CACNA2D3: variants seen among roughly 807,000 people sequenced by gnomAD.
The protein encoded by CACNA2D3 is calcium voltage-gated channel auxiliary subunit alpha2delta 3.
A neutral mutation model predicts 160.6 loss-of-function variants in CACNA2D3; 60 were observed. The observed-to-expected ratio is 0.37, with a 90% CI of 0.30 to 0.46. The LOEUF is 0.46. Ranked by LOEUF, CACNA2D3 falls within the 20% of genes least tolerant of loss-of-function variation. The pLI is 1.00. For missense variants in CACNA2D3, 1,205 were observed against 1,365.0 expected (o/e 0.88, Z 1.85); for synonymous variants, 558 against 492.9 (o/e 1.13, Z -1.75).
At chr3:54,768,532 G>A (rs779405310) in intron 13 of CACNA2D3, among the ~76,000 whole-genome samples, 7 of 152,188 alleles carry the variant, frequency 4.6e-5, no homozygotes, top group Non-Finnish European at 1.0e-4. Context: ...TTGCGCTGAA[G>A]TACTTTTGTG....
intron 11 of CACNA2D3, among the ~76,000 whole-genome samples, chr3:54,704,143 A>C (rs1700815958): frequency 6.6e-6 from 1 of 152,084 alleles, no homozygotes. Context: ...CTTTGAAATG[A>C]CTCCAGCTGT....
chr3:54,968,447 C>A lies in CACNA2D3; in HGVS notation c.2450-3C>A. The stretch of plus-strand genomic sequence containing the variant: ...GCCTTGTTTTATTTATAATTTGTCC[C>A]AGCTGTAGGCATTCAGATGAAACTT... On this transcript the variant is annotated splice_polypyrimidine_tract_variant and splice_region_variant and intron_variant, in intron 27 of 37. Coordinates refer to ENST00000474759, the MANE Select transcript of CACNA2D3 (RefSeq NM_018398.3). 6.2e-7 allele frequency: 1 copy of A among 1,600,692 alleles called. No individual in the cohort carries two copies. Among genetic ancestry groups the A allele is most frequent in the Non-Finnish European group, 8.5e-7 (1 of 1,170,718 alleles).
chr3:54,979,621 A>G (rs1208540182), intron 29 of CACNA2D3, among the ~76,000 whole-genome samples: 1 of 152,192 alleles, frequency 6.6e-6, no homozygotes, highest in East Asian at 1.9e-4. Context: ...TAAAAGAAAA[A>G]TATTACTTCA....
At chr3:54,402,161 T>G (rs1699479554) in intron 4 of CACNA2D3, among the ~76,000 whole-genome samples, 1 of 151,796 alleles carries the variant, frequency 6.6e-6, no homozygotes, top group Non-Finnish European at 1.5e-5. Flanking sequence ...GAATAAAAAC[T>G]TAGCACTACA....
intron 11 of CACNA2D3, among the ~76,000 whole-genome samples, chr3:54,691,600 GA>G (rs1447542894): frequency 6.6e-6 from 1 of 152,142 alleles, no homozygotes; most frequent in Non-Finnish European, 1.5e-5. Flanking sequence ...AGCTTAGAAA[GA>G]AAAGTAATTA....
rs76978012 is a variant in CACNA2D3, at chr3:55,065,021, G to A, written c.2988-8424G>A. On this transcript the variant is annotated intron_variant, in intron 35 of 37. Transcript: ENST00000474759. ...TTTAGAACAAGGTTAAATAACAGAG[G>A]AGAGTGAGCCTCCTTGCCTTCTTCT... Among the ~76,000 whole-genome samples the A allele has an allele frequency of 5.5e-4, 84 of 152,290 alleles. 1 individual carries two copies. The East Asian group carries it at 0.016, about 28-fold the overall frequency.
At chr3:54,928,038 G>A in intron 27 of CACNA2D3, 1 of 849,276 alleles carries the variant, frequency 1.2e-6, no homozygotes. Context: ...CCCTGCCCTT[G>A]CTTTTCTTCA....
chr3:55,037,343 A>T (rs1298930162), intron 35 of CACNA2D3, among the ~76,000 whole-genome samples: 2 of 152,194 alleles, frequency 1.3e-5, no homozygotes, highest in Non-Finnish European at 2.9e-5. Context: ...TACAGCTTAA[A>T]GTTGAACTTA....
At chr3:54,292,096 G>A (rs56186015) in intron 2 of CACNA2D3, among the ~76,000 whole-genome samples, 32,324 of 151,872 alleles carry the variant, frequency 0.21, 3,604 homozygotes, top group East Asian at 0.32. Flanking sequence ...CAAATGGTGT[G>A]GGGACAACTG....
chr3:54,771,454 G>A (rs924909503), intron 13 of CACNA2D3, among the ~76,000 whole-genome samples: 3 of 152,158 alleles, frequency 2.0e-5, no homozygotes, highest in African/African-American at 4.8e-5. Flanking sequence ...CTGCAACTCA[G>A]GGGCCTCTTC....
intron 2 of CACNA2D3, among the ~76,000 whole-genome samples, chr3:54,311,292 C>T (rs891506852): frequency 1.3e-5 from 2 of 152,156 alleles, no homozygotes; most frequent in African/African-American, 4.8e-5. Context: ...CCCTGTTTCT[C>T]TTCTCCCCTC....
Position 54,896,767 on chromosome 3 carries a change from C to A in CACNA2D3, c.2265C>A (p.Gly755=). 1 of 1,613,892 alleles carries A rather than the reference C, an allele frequency of 6.2e-7. No individual in the cohort carries two copies. The highest frequency in any genetic ancestry group is 8.5e-7 in the Non-Finnish European group (1 of 1,179,854). Reference sequence around the variant, plus strand: ...CTTCAAGGGACTTCCTGAAAGCTGGCGACAAGGAGAACATTTTTAACGCAG... The same window carrying A: ...CTTCAAGGGACTTCCTGAAAGCTGGAGACAAGGAGAACATTTTTAACGCAG... ...QLTNQDFLKA[G]DKENIFNADH... Residue 755 remains glycine (G), a synonymous_variant, in exon 26 of 38, where the codon GGC becomes GGA. Coordinates refer to ENST00000474759, the MANE Select transcript of CACNA2D3 (RefSeq NM_018398.3).
At chr3:54,183,113 A>C (rs1700811826) in intron 2 of CACNA2D3, among the ~76,000 whole-genome samples, 1 of 152,158 alleles carries the variant, frequency 6.6e-6, no homozygotes. Context: ...TGTGAAATGT[A>C]ATTTGCTTGA....
rs141393046 is a variant in CACNA2D3, at chr3:54,152,988, A to G, written c.204+29394A>G. Among the ~76,000 whole-genome samples the G allele has an allele frequency of 4.1e-4, 62 of 152,330 alleles. No individual in the cohort carries two copies. In the East Asian group the frequency reaches 0.011, roughly 28 times the overall value. On this transcript the variant is annotated intron_variant, in intron 2 of 37. Transcript: ENST00000474759. ...GGAATCCAGGGCTTGGGAGAGCTTT[A>G]TCACACTTGCTTCCTCATTGTATTG...
intron 35 of CACNA2D3, among the ~76,000 whole-genome samples, chr3:55,043,257 T>A (rs1407897905): frequency 6.6e-6 from 1 of 152,092 alleles, no homozygotes. Context: ...GTGTTCCTTA[T>A]CCTTGCCAGC....
Position 54,868,830 on chromosome 3 carries a change from G to A in CACNA2D3, c.1627-2709G>A, listed in dbSNP as rs149415079. Among the ~76,000 whole-genome samples, 594 of 152,308 alleles carry A rather than the reference G, an allele frequency of 3.9e-3. 3 individuals are homozygous for A. Among genetic ancestry groups the A allele is most frequent in the Non-Finnish European group, 5.2e-3 (354 of 68,034 alleles). ...GAGATATTAGCCAATTTTATTCAAT[G>A]AGCCTGTGTCATTCCACAAAATGCA... On this transcript the variant is annotated intron_variant, in intron 17 of 37. Coordinates refer to ENST00000474759, the MANE Select transcript of CACNA2D3 (RefSeq NM_018398.3).
chr3:54,873,653 G>A (rs111591845), intron 18 of CACNA2D3, among the ~76,000 whole-genome samples: 2 of 152,296 alleles, frequency 1.3e-5, no homozygotes, highest in East Asian at 1.9e-4. Flanking sequence ...CCAGGACTGC[G>A]TTCTGTCTGT....
intron 4 of CACNA2D3, among the ~76,000 whole-genome samples, chr3:54,485,901 C>G (rs1343612742): frequency 3.9e-5 from 6 of 152,272 alleles, no homozygotes; most frequent in African/African-American, 1.4e-4. Context: ...CAGTGACCCC[C>G]CAACAGCCCC....
chr3:54,966,617 G>A (rs1231788452), intron 27 of CACNA2D3, among the ~76,000 whole-genome samples: 1 of 152,188 alleles, frequency 6.6e-6, no homozygotes, highest in Non-Finnish European at 1.5e-5. Context: ...CCACGAGTTA[G>A]AGATCAGCCT....
Sources: allele counts gnomAD v4.1 joint callset (sites outside exome capture counted in the v4.1 genomes callset), GRCh38; gene constraint gnomAD v4.1.1; transcripts MANE v1.5; gene names NCBI Gene and HGNC (gene_info 2026-07-23, HGNC 2026-07-21).